Variants in IRAK1 observed in about 807,000 individuals in gnomAD.
The protein encoded by IRAK1 is interleukin 1 receptor associated kinase 1, also known as interleukin-1 receptor-associated kinase 1.
A neutral mutation model predicts 49.8 loss-of-function variants in IRAK1; 9 were observed. That is an observed-to-expected ratio of 0.18 (90% CI 0.11 to 0.32). The LOEUF (loss-of-function observed/expected upper bound fraction) is 0.32. Ranked by LOEUF, IRAK1 falls within the 10% of genes least tolerant of loss-of-function variation. The pLI, the probability that IRAK1 is intolerant of heterozygous loss-of-function variation, is 1.00. For missense variants in IRAK1, 418 were observed against 600.5 expected, an observed-to-expected ratio of 0.70 and a Z score of 3.18; for synonymous variants, 282 against 270.8, an observed-to-expected ratio of 1.04 and a Z score of -0.41.
At position 154,019,824 on chromosome X, in the gene IRAK1, C is replaced by G. The variant is rs2065770503; in HGVS notation, c.-12G>C. 1.2e-6 allele frequency: 1 copy of G among 845,429 alleles called. No homozygotes were observed. Among genetic ancestry groups the G allele is most frequent in the Non-Finnish European group, 1.4e-6 (1 of 696,988 alleles). The allele number at this position is 845,429 out of a possible 1,213,427, so 69.7% of individuals were successfully genotyped here. A position where few individuals can be genotyped will look rare whatever the true frequency, so the allele number is the denominator to read the frequency against. On this transcript the variant is annotated 5_prime_UTR_variant, in exon 1 of 14. Coordinates refer to ENST00000369980, the MANE Select transcript of IRAK1 (RefSeq NM_001569.4). Reference sequence around the variant, plus strand: ...GGCCCCCCGGCCATGGCTGCCGCCGCCGGGCCGGGACCTGCCGGGGCCTCT... The same window carrying G: ...GGCCCCCCGGCCATGGCTGCCGCCGGCGGGCCGGGACCTGCCGGGGCCTCT...
intron 3 of IRAK1, 45 bp from the exon 4 acceptor site, chrX:154,019,123 G>A: frequency 5.0e-6 from 6 of 1,202,357 alleles, no homozygotes; most frequent in South Asian, 3.5e-5. Flanking sequence ...CCAGCAGCAG[G>A]GTCTACAGCC....
In IRAK1 at chrX:154,011,735, T is replaced by C; in HGVS notation, c.*124A>G. The C allele has an allele frequency of 1.5e-6, 1 of 672,782 alleles. No homozygotes were observed. 55.4% of individuals were successfully genotyped at this position (672,782 alleles called of 1,213,427 possible). ...AGAACAGCAGGGCCACCTCCTTCTC[T>C]CCCCCGCGGGCATGGGCCCCCACCC... On this transcript the variant is annotated 3_prime_UTR_variant, in exon 14 of 14. Transcript: ENST00000369980.
intron 12 of IRAK1, 73 bp from the exon 13 acceptor site, chrX:154,012,751 T>C (rs2065708947): frequency 7.3e-6 from 8 of 1,095,069 alleles, no homozygotes; most frequent in Admixed American, 7.3e-5. Flanking sequence ...CCTGCCTCCC[T>C]GGCCTCAGGC....
At chrX:154,017,938 G>C in intron 7 of IRAK1, 68 bp downstream of exon 7, 1 of 792,521 alleles carries the variant, frequency 1.3e-6, no homozygotes, top group Non-Finnish European at 1.9e-6. Flanking sequence ...TAGGCCCCGC[G>C]CCCGGCTCCA....
intron 13 of IRAK1, 81 bp downstream of exon 13, chrX:154,012,448 G>A (rs1198902496): frequency 2.4e-5 from 26 of 1,082,323 alleles, no homozygotes; most frequent in Middle Eastern, 3.6e-4. Context: ...CGCCCTCAGC[G>A]CAGTCGGGAC....
At chrX:154,013,840 C>G (rs978315407) in intron 11 of IRAK1, among the ~76,000 whole-genome samples, 1 of 112,123 alleles carries the variant, frequency 8.9e-6, no homozygotes, top group Non-Finnish European at 1.9e-5. Flanking sequence ...TGAAGGGGGT[C>G]GGAGCTGGGC....
intron 10 of IRAK1, among the ~76,000 whole-genome samples, chrX:154,015,203 C>T (rs782101582): frequency 8.9e-6 from 1 of 112,194 alleles, no homozygotes; most frequent in East Asian, 2.8e-4. Context: ...GGGCCTTCAC[C>T]CCAAGAGCAG....
chrX:154,017,869 G>A (rs2065751008), intron 7 of IRAK1, 137 bp downstream of exon 7: 2 of 469,063 alleles, frequency 4.3e-6, no homozygotes, highest in Admixed American at 7.1e-5. Context: ...GTGCTGCTGG[G>A]GAGCTGGAAG....
intron 7 of IRAK1, 127 bp downstream of exon 7, chrX:154,017,879 G>A: frequency 2.1e-6 from 1 of 472,633 alleles, no homozygotes; most frequent in Non-Finnish European, 3.8e-6. Context: ...GGAGCTGGAA[G>A]TGCAGGCCTG....
chrX:154,018,625 C>T lies in IRAK1; in HGVS notation c.703G>A (p.Val235Met). 2 of 1,209,708 alleles carry T rather than the reference C, an allele frequency of 1.7e-6. No individual in the cohort carries two copies. Among genetic ancestry groups the T allele is most frequent in the Non-Finnish European group, 1.1e-6 (1 of 893,836 alleles). ...TCCTTCAGCCTCTTCACAGCATACA[C>T]CGTGTTCCTCATCACCGCCCGGTAC... is the stretch of plus-strand genomic sequence containing the variant. ...CVYRAVMRNT[V>M]YAVKRLKENA... is the part of the protein sequence containing the mutation. Residue 235 changes from valine to methionine, a missense_variant, in exon 5 of 14, where the codon GTG becomes ATG. Transcript: ENST00000369980.
Position 154,011,683 on chromosome X carries a change from C to T in IRAK1, c.*176G>A. 1 of 527,011 alleles carries T rather than the reference C, an allele frequency of 1.9e-6. No homozygotes were observed. Among genetic ancestry groups the T allele is most frequent in the Admixed American group, 2.6e-5 (1 of 37,969 alleles). 43.4% of individuals were successfully genotyped at this position (527,011 alleles called of 1,213,427 possible). ...ATGCTGGCATGGAGGCAGGGTTCCA[C>T]TCTGCCTGCCTATGCCCACAGAGCC... On this transcript the variant is annotated 3_prime_UTR_variant, in exon 14 of 14. Transcript: ENST00000369980.
At chrX:154,018,384 G>A in intron 5 of IRAK1, 29 bp from the exon 6 acceptor site, 1 of 1,127,191 alleles carries the variant, frequency 8.9e-7, no homozygotes. Flanking sequence ...GGTGGGGGAA[G>A]GGGCAGGGAA....
At chrX:154,012,025 G>T in intron 13 of IRAK1, 108 bp from the exon 14 acceptor site, 1 of 634,204 alleles carries the variant, frequency 1.6e-6, no homozygotes, top group Non-Finnish European at 2.5e-6. Context: ...TGGGGCGTTC[G>T]TGGGAATTGA....
chrX:154,016,514 T>A lies in IRAK1; in HGVS notation c.1159A>T (p.Thr387Ser). Residue 387 changes from threonine to serine, a missense_variant, in exon 9 of 14, where the codon ACC becomes TCC. Physicochemically the swap from Thr to Ser is moderately conservative, Grantham distance 58. Around this residue, in one of 3 missense-constraint regions of IRAK1, gnomAD observed 377 missense variants for 499.5 expected, o/e 0.75. Transcript: ENST00000369980. ...MVARTQTVRG[T>S]LAYLPEEYIK... ...TACTCCTCGGGCAGGTAGGCCAGGG[T>A]GCCCCGCACTGTCTGTGTCCGGGCC... The A allele has an allele frequency of 8.3e-7, 1 of 1,211,373 alleles. No homozygotes were observed. The highest frequency in any genetic ancestry group is 1.1e-6 in the Non-Finnish European group (1 of 894,975).
chrX:154,018,413 CT>C, intron 5 of IRAK1, 58 bp from the exon 6 acceptor site: 2 of 1,057,865 alleles, frequency 1.9e-6, no homozygotes, highest in Non-Finnish European at 2.6e-6. Flanking sequence ...GCGTGAGGCT[CT>C]CGAAGCGAAG....
In IRAK1 at chrX:154,013,104, C is replaced by A; in HGVS notation, c.1869G>T (p.Gly623=). 8.3e-7 allele frequency: 1 copy of A among 1,209,977 alleles called. No homozygotes were observed. The highest frequency in any genetic ancestry group is 1.1e-6 in the Non-Finnish European group (1 of 895,390). ...CCCAGCTCGATTCTCCTGCCGTGTC[C>A]CCCTGAGGACAGCCGGCCTCCCTGA... is the stretch of plus-strand genomic sequence containing the variant. The part of the protein sequence containing the change: ...APLREAGCPQ[G]DTAGESSWGS... Residue 623 remains glycine (G), a synonymous_variant, in exon 12 of 14, where the codon GGG becomes GGT. Transcript: ENST00000369980.
Position 154,019,540 on chromosome X carries a change from G to A in IRAK1, c.195C>T (p.Arg65=), listed in dbSNP as rs782758856. 68 of 1,175,788 alleles carry A rather than the reference G, an allele frequency of 5.8e-5. No individual in the cohort carries two copies. The highest frequency in any genetic ancestry group is 1.5e-5 in the Non-Finnish European group (13 of 884,071). The change falls in exon 2 of 14, where the codon CGC becomes CGT. Residue 65 remains arginine (R), a synonymous_variant. Transcript: ENST00000369980. ...ELRLCERSGQ[R]TASVLWPWIN... is the part of the protein sequence containing the mutation. Reference sequence around the variant, plus strand: ...TCCAGGGCCACAGGACGCTGGCCGTGCGCTGCCCGGAGCGCTCGCACAGCC... The same window carrying A: ...TCCAGGGCCACAGGACGCTGGCCGTACGCTGCCCGGAGCGCTCGCACAGCC...
intron 4 of IRAK1, 44 bp from the exon 5 acceptor site, chrX:154,018,831 C>T: frequency 1.3e-6 from 1 of 753,028 alleles, no homozygotes; most frequent in Non-Finnish European, 2.0e-6. Context: ...CTGTCTCTTC[C>T]CTTCTGCCCA....
chrX:154,016,108 G>A lies in IRAK1; in HGVS notation c.1237-11C>T. On this transcript the variant is annotated splice_polypyrimidine_tract_variant and intron_variant, in intron 9 of 13. Coordinates refer to ENST00000369980, the MANE Select transcript of IRAK1 (RefSeq NM_001569.4). ...GGTCTCTAGCACTACCTGGAGAGAG[G>A]GAAGAGGGAGAGCATGGCAGTGGCC... is the stretch of plus-strand genomic sequence containing the variant. 8.4e-7 allele frequency: 1 copy of A among 1,195,574 alleles called. No homozygotes were observed. Among genetic ancestry groups the A allele is most frequent in the South Asian group, 1.8e-5 (1 of 56,646 alleles).
Sources: allele counts gnomAD v4.1 joint callset (sites outside exome capture counted in the v4.1 genomes callset), GRCh38; gene constraint gnomAD v4.1.1; regional missense constraint gnomAD v4.1.1; transcripts MANE v1.5; gene names NCBI Gene and HGNC (gene_info 2026-07-23, HGNC 2026-07-21).